GRM4: variants seen among roughly 807,000 people sequenced by gnomAD.
GRM4 encodes the protein glutamate metabotropic receptor 4, also known as metabotropic glutamate receptor 4.
A neutral mutation model predicts 81.7 loss-of-function variants in GRM4; 28 were observed. That is an observed-to-expected ratio of 0.34 (90% CI 0.25 to 0.47). The LOEUF (loss-of-function observed/expected upper bound fraction) is 0.47, where lower values mean the gene tolerates loss of function less well. Among genes scored for constraint, GRM4 ranks in the 20% least tolerant of loss-of-function variants. GRM4 has a pLI of 1.00. For missense variants in GRM4, 948 were observed against 1,290.0 expected (o/e 0.73, Z 4.06); for synonymous variants, 488 against 528.8 (o/e 0.92, Z 1.06).
At chr6:34,029,742 C>T (rs987362921) in intron 9 of GRM4, among the ~76,000 whole-genome samples, 3 of 152,164 alleles carry the variant, frequency 2.0e-5, no homozygotes, top group African/African-American at 2.4e-5. Flanking sequence ...TTTTAGTGAC[C>T]GCAGGCACTG....
At chr6:34,106,885 C>A (rs1769154002) in intron 2 of GRM4, among the ~76,000 whole-genome samples, 1 of 152,260 alleles carries the variant, frequency 6.6e-6, no homozygotes, top group Non-Finnish European at 1.5e-5. Context: ...TCACCTGCTT[C>A]TCATTATCAG....
At chr6:34,112,223 A>G (rs1467964874) in intron 2 of GRM4, among the ~76,000 whole-genome samples, 1 of 152,208 alleles carries the variant, frequency 6.6e-6, no homozygotes, top group East Asian at 1.9e-4. Context: ...AACGAGCGAT[A>G]AAACACGGAA....
chr6:34,098,638 T>C (rs1768666119), intron 2 of GRM4, among the ~76,000 whole-genome samples: 3 of 152,248 alleles, frequency 2.0e-5, no homozygotes, highest in African/African-American at 7.2e-5. Flanking sequence ...CTTCTGATCC[T>C]GGCTGCTTCA....
chr6:34,061,688 G>C (rs971204066), intron 4 of GRM4: 1 of 491,934 alleles, frequency 2.0e-6, no homozygotes, highest in Admixed American at 3.4e-5. Flanking sequence ...GAAATGGAGA[G>C]GGGAGGGAAG....
Position 34,022,974 on chromosome 6 carries a change from C to T in GRM4, c.2690-104G>A, listed in dbSNP as rs561548638. 1.3e-4 allele frequency: 112 copies of T among 891,198 alleles called. 1 individual carries two copies. Among genetic ancestry groups the T allele is most frequent in the South Asian group, 1.0e-3 (76 of 74,966 alleles). The allele number at this position is 891,198 out of a possible 1,614,324, so 55.2% of individuals were successfully genotyped here. ...TGCACAAGAACCTACCATAGCTCCC[C>T]GCCTCTCATGGCATCCAGTCCTGAG... On this transcript the variant is annotated intron_variant, in intron 10 of 10. Coordinates refer to ENST00000538487, the MANE Select transcript of GRM4 (RefSeq NM_000841.4). The surrounding 1 kb of genome is among the most constrained non-coding windows in gnomAD (Gnocchi z 5.6).
At chr6:34,040,393 C>T in intron 7 of GRM4, 79 bp from the exon 8 acceptor site, 2 of 1,505,326 alleles carry the variant, frequency 1.3e-6, no homozygotes, top group Non-Finnish European at 9.2e-7. Flanking sequence ...AGAGACCTCT[C>T]TGACACACCC....
chr6:34,115,580 C>A lies in GRM4; in HGVS notation c.519+17398G>T, dbSNP rs9380408. ...GGTCTGCCCGAAGACACTCGGCAAA[C>A]CTTTCAGGCCTCTAAAAGACCATTT... On this transcript the variant is annotated intron_variant, in intron 2 of 10. Coordinates refer to ENST00000538487, the MANE Select transcript of GRM4 (RefSeq NM_000841.4). This position sits in a 1 kb window ranked among gnomAD's most constrained non-coding sequence, Gnocchi z 4.1. Among the ~76,000 whole-genome samples, 8 of 152,328 alleles carry A rather than the reference C, an allele frequency of 5.3e-5. No individual in the cohort carries two copies. Among genetic ancestry groups the A allele is most frequent in the Middle Eastern group, 3.4e-3 (1 of 294 alleles).
rs1376850105 is a variant in GRM4 at position 34,090,560 on chromosome 6, GCTTC to G, written c.736+1319_736+1322del. 6.6e-6 allele frequency among the ~76,000 whole-genome samples: 1 copy of G among 152,066 alleles called. No individual in the cohort carries two copies. The highest frequency in any genetic ancestry group is 1.5e-5 in the Non-Finnish European group (1 of 67,988). The stretch of plus-strand genomic sequence containing the variant: ...TGGGAGTGGAGTCCTGTTCACCTCT[GCTTC>G]CTTTTGCTCTGCCAGGCTGCAGAAG... On this transcript the variant is annotated intron_variant, in intron 3 of 10. Coordinates refer to ENST00000538487, the MANE Select transcript of GRM4 (RefSeq NM_000841.4). This position sits in a 1 kb window ranked among gnomAD's most constrained non-coding sequence, Gnocchi z 5.2.
intron 3 of GRM4, among the ~76,000 whole-genome samples, chr6:34,083,664 C>T (rs1014151933): frequency 6.6e-6 from 1 of 152,210 alleles, no homozygotes; most frequent in Non-Finnish European, 1.5e-5. Context: ...GAAAACACAA[C>T]GTCAGAGGGC....
rs1387828360 is a variant in GRM4 at position 34,040,643 on chromosome 6, C to T, written c.1274G>A (p.Arg425His). The part of the protein sequence containing the change: ...AMGHALHAMH[R>H]DLCPGRVGLC... ...CCCCACGCGGCCGGGACACAGGTCACGGTGCATGGCGTGCAGCGCGTGGCC... is the reference window on the plus strand; with the variant it reads ...CCCCACGCGGCCGGGACACAGGTCATGGTGCATGGCGTGCAGCGCGTGGCC... The change falls in exon 7 of 11, where the codon CGT (arginine) becomes CAT (histidine). Residue 425 changes from arginine (R) to histidine (H), a missense_variant. Physicochemically the swap from Arg to His is conservative, Grantham distance 29. Coordinates refer to ENST00000538487, the MANE Select transcript of GRM4 (RefSeq NM_000841.4). The T allele has an allele frequency of 1.5e-5, 25 of 1,613,980 alleles. No individual in the cohort carries two copies. Among genetic ancestry groups the T allele is most frequent in the Non-Finnish European group, 1.8e-5 (21 of 1,179,930 alleles).
rs563104397 is a variant in GRM4 at position 34,064,013 on chromosome 6, G to A, written c.737-1985C>T. On this transcript the variant is annotated intron_variant, in intron 3 of 10. Transcript: ENST00000538487. This position sits in a 1 kb window ranked among gnomAD's most constrained non-coding sequence, Gnocchi z 4.4. ...CTGAGATGCTCCTCTAAGAGGATCC[G>A]CGTGATGGTCTTGCCTGGCACCTCA... Among the ~76,000 whole-genome samples, 8 of 152,304 alleles carry A rather than the reference G, an allele frequency of 5.3e-5. No homozygotes were observed. The South Asian group carries it at 6.2e-4, about 12-fold the overall frequency.
At chr6:34,137,686 C>T (rs888132198) in intron 1 of GRM4, among the ~76,000 whole-genome samples, 4 of 151,744 alleles carry the variant, frequency 2.6e-5, no homozygotes, top group East Asian at 1.9e-4. Context: ...CAGGCTCAAG[C>T]GATCCTCCTA....
At chr6:34,038,237 G>C (rs1423877798) in intron 8 of GRM4, among the ~76,000 whole-genome samples, 4 of 152,256 alleles carry the variant, frequency 2.6e-5, no homozygotes, top group Non-Finnish European at 5.9e-5. Context: ...TGAGCAAATG[G>C]CTTCTCCTCT....
At chr6:34,108,621 AAGGAT>A (rs201629478) in intron 2 of GRM4, among the ~76,000 whole-genome samples, 1,700 of 152,194 alleles carry the variant, frequency 0.011, 11 homozygotes, top group Middle Eastern at 0.065. Context: ...GTTTCTCCGA[AAGGAT>A]GGCAGACCTG....
At chr6:34,058,834 G>T in intron 5 of GRM4, 140 bp downstream of exon 5, 1 of 682,242 alleles carries the variant, frequency 1.5e-6, no homozygotes, top group Non-Finnish European at 2.4e-6. Context: ...CAAAACCTCA[G>T]AACATAAGAG....
At chr6:34,057,892 T>C (rs1765987874) in intron 5 of GRM4, among the ~76,000 whole-genome samples, 1 of 152,198 alleles carries the variant, frequency 6.6e-6, no homozygotes. Context: ...GTAAGCACCA[T>C]AGCAGTTATT....
At chr6:34,060,170 C>G (rs3798537) in intron 4 of GRM4, 46,848 of 151,942 alleles carry the variant, frequency 0.31, 8,476 homozygotes, top group Non-Finnish European at 0.41. Context: ...TGGCCTTGTC[C>G]ATCTCATCCC....
chr6:34,125,072 C>G (rs1256713095), intron 2 of GRM4, among the ~76,000 whole-genome samples: 1 of 152,150 alleles, frequency 6.6e-6, no homozygotes, highest in East Asian at 1.9e-4. Context: ...CTCCCGGGTT[C>G]ACGCCATTCT....
At position 34,070,792 on chromosome 6, in the gene GRM4, CCACACACACA is replaced by C. The variant is rs34256571; in HGVS notation, c.737-8774_737-8765del. Among the ~76,000 whole-genome samples, 3 of 135,492 alleles carry C rather than the reference CCACACACACA, an allele frequency of 2.2e-5. No homozygotes were observed. Among genetic ancestry groups the C allele is most frequent in the South Asian group, 2.5e-4 (1 of 3,970 alleles). 88.9% of individuals were successfully genotyped at this position (135,492 alleles called of 152,430 possible). On this transcript the variant is annotated intron_variant, in intron 3 of 10. Transcript: ENST00000538487. This position sits in a 1 kb window ranked among gnomAD's most constrained non-coding sequence, Gnocchi z 4.6. Reference sequence around the variant, plus strand: ...CACCACACCCCCGCCACACCCCCAGCCACACACACACACACACACACACACACGGCAATGC... The same window carrying C: ...CACCACACCCCCGCCACACCCCCAGCCACACACACACACACACGGCAATGC...
Sources: allele counts gnomAD v4.1 joint callset (sites outside exome capture counted in the v4.1 genomes callset), GRCh38; gene constraint gnomAD v4.1.1; non-coding constraint Gnocchi (gnomAD v3.1); transcripts MANE v1.5; gene names NCBI Gene and HGNC (gene_info 2026-07-23, HGNC 2026-07-21).